The following RBMS1 variants were observed in gnomAD, a reference collection of about 807,000 sequenced individuals.
RBMS1 encodes the protein RNA-binding motif, single-stranded-interacting protein 1.
Under a neutral mutation model 62.3 loss-of-function variants are expected in RBMS1, and 17 were observed. That is an observed-to-expected ratio of 0.27 (90% CI 0.19 to 0.41). RBMS1 has a LOEUF of 0.41. Ranked by LOEUF, RBMS1 falls within the 10% of genes least tolerant of loss-of-function variation. The pLI is 1.00. For missense variants in RBMS1, 334 were observed against 504.5 expected, an observed-to-expected ratio of 0.66 and a Z score of 3.24; for synonymous variants, 172 against 170.0, an observed-to-expected ratio of 1.01 and a Z score of -0.09.
Position 160,300,655 on chromosome 2 carries a change from A to T in RBMS1, c.636T>A (p.Val212=), listed in dbSNP as rs1689160643. ...NGKFIKTPPG[V]SAPTEPLLCK... ...AGTTTCAGACAAACAACATACCAGA[A>T]ACTCCTGGTGGTGTCTTAATAAATT... The change falls in exon 6 of 14, where the codon GTT becomes GTA. Residue 212 remains valine, a synonymous_variant. Transcript: ENST00000348849. 6.3e-7 allele frequency: 1 copy of T among 1,594,436 alleles called. No individual in the cohort carries two copies. The highest frequency in any genetic ancestry group is 1.3e-5 in the African/African-American group (1 of 74,130).
chr2:160,319,093 T>G lies in RBMS1; in HGVS notation c.252-866A>C, dbSNP rs182458831. Among the ~76,000 whole-genome samples, 626 of 152,320 alleles carry G rather than the reference T, an allele frequency of 4.1e-3. 5 individuals are homozygous for G. The highest frequency in any genetic ancestry group is 3.3e-3 in the Non-Finnish European group (222 of 68,026). ...ACGAAGCGACAGTATAATGTAAATA[T>G]GAACCGAACCCCACACTCTCTCCAT... On this transcript the variant is annotated intron_variant, in intron 2 of 13. Coordinates refer to ENST00000348849, the MANE Select transcript of RBMS1 (RefSeq NM_016836.4).
intron 1 of RBMS1, among the ~76,000 whole-genome samples, chr2:160,476,676 T>G (rs1479901841): frequency 6.8e-6 from 1 of 146,460 alleles, no homozygotes; most frequent in Non-Finnish European, 1.5e-5. Flanking sequence ...TGCCTCAGCC[T>G]CCCAAGTAGC....
intron 2 of RBMS1, among the ~76,000 whole-genome samples, chr2:160,318,900 C>T (rs1038074759): frequency 6.6e-6 from 1 of 151,992 alleles, no homozygotes; most frequent in Non-Finnish European, 1.5e-5. Flanking sequence ...GTCTAAGAAA[C>T]GGACAATCAA....
intron 1 of RBMS1, among the ~76,000 whole-genome samples, chr2:160,435,829 T>C (rs1413521975): frequency 2.0e-5 from 3 of 152,246 alleles, no homozygotes; most frequent in Admixed American, 6.5e-5. Context: ...AATGCATTCA[T>C]TATAGTATCC....
intron 1 of RBMS1, among the ~76,000 whole-genome samples, chr2:160,451,162 A>T (rs931743989): frequency 2.7e-5 from 4 of 150,410 alleles, no homozygotes; most frequent in Non-Finnish European, 3.0e-5. Context: ...GCTTCAGAAA[A>T]AAAAAAATAA....
At chr2:160,367,195 A>G in intron 2 of RBMS1, 21 bp downstream of exon 2, 1 of 1,603,766 alleles carries the variant, frequency 6.2e-7, no homozygotes, top group Non-Finnish European at 8.5e-7. Flanking sequence ...AGCTAAAATA[A>G]TAGGAACAAC....
At chr2:160,281,472 G>T in intron 9 of RBMS1, 108 bp from the exon 10 acceptor site, 1 of 874,898 alleles carries the variant, frequency 1.1e-6, no homozygotes, top group Non-Finnish European at 1.8e-6. Flanking sequence ...AGAAAACAAG[G>T]AAACAATACT....
At chr2:160,415,816 C>A (rs1016663086) in intron 1 of RBMS1, among the ~76,000 whole-genome samples, 22 of 151,970 alleles carry the variant, frequency 1.4e-4, no homozygotes, top group African/African-American at 4.4e-4. Context: ...CTAAAATTAC[C>A]ATTAAATTAG....
intron 10 of RBMS1, among the ~76,000 whole-genome samples, chr2:160,281,079 T>A (rs578234019): frequency 6.6e-6 from 1 of 152,140 alleles, no homozygotes; most frequent in South Asian, 2.1e-4. Context: ...AAGAAAATGG[T>A]GCCCTGCCTC....
intron 4 of RBMS1, 80 bp downstream of exon 4, chr2:160,313,076 T>C: frequency 7.4e-7 from 1 of 1,351,376 alleles, no homozygotes; most frequent in Non-Finnish European, 1.0e-6. Flanking sequence ...AGATTACAGA[T>C]GCAGATAGAA....
chr2:160,347,405 A>C (rs1476416159), intron 2 of RBMS1, among the ~76,000 whole-genome samples: 1 of 152,188 alleles, frequency 6.6e-6, no homozygotes, highest in Non-Finnish European at 1.5e-5. Context: ...TGTTTATTTA[A>C]ACACCATCTT....
In RBMS1 at chr2:160,405,721, T is replaced by G. The variant is rs543862910; in HGVS notation, c.76-38330A>C. Among the ~76,000 whole-genome samples, 5 of 152,302 alleles carry G rather than the reference T, an allele frequency of 3.3e-5. No homozygotes were observed. In the East Asian group the frequency reaches 9.7e-4, roughly 29 times the overall value. ...GCCCTGTGAAAAGAAGAGCATCTTA[T>G]CAGCGTGCTCCAGACCAGCAGGCTA... On this transcript the variant is annotated intron_variant, in intron 1 of 13. Coordinates refer to ENST00000348849, the MANE Select transcript of RBMS1 (RefSeq NM_016836.4).
chr2:160,309,403 G>A (rs752009202), intron 4 of RBMS1, among the ~76,000 whole-genome samples: 3 of 152,172 alleles, frequency 2.0e-5, no homozygotes, highest in Non-Finnish European at 4.4e-5. Flanking sequence ...GACAAGTATG[G>A]CTGGGAAGTA....
chr2:160,316,730 A>T (rs1320206041), intron 3 of RBMS1, among the ~76,000 whole-genome samples: 1 of 152,142 alleles, frequency 6.6e-6, no homozygotes, highest in Non-Finnish European at 1.5e-5. Context: ...CTGCTTTTTA[A>T]CACACTGAGC....
rs953194732 is a variant in RBMS1 at position 160,313,091 on chromosome 2, C to T, written c.402+65G>A. On this transcript the variant is annotated intron_variant, in intron 4 of 13. Coordinates refer to ENST00000348849, the MANE Select transcript of RBMS1 (RefSeq NM_016836.4). ...AGATTACAGATGCAGATAGAAAAAG[C>T]AGACCTGTCGGGCTTCACAACCAAA... The T allele has an allele frequency of 2.7e-6, 4 of 1,484,144 alleles. No individual in the cohort carries two copies. The African/African-American group carries it at 4.2e-5, about 16-fold the overall frequency. 91.9% of individuals were successfully genotyped at this position (1,484,144 alleles called of 1,614,324 possible). A position where few individuals can be genotyped will look rare whatever the true frequency, so the allele number is the denominator to read the frequency against.
intron 1 of RBMS1, among the ~76,000 whole-genome samples, chr2:160,442,723 T>C (rs1683459007): frequency 6.6e-6 from 1 of 152,206 alleles, no homozygotes; most frequent in Admixed American, 6.5e-5. Context: ...GAAATGTTTC[T>C]AAGTGTAAAA....
chr2:160,373,878 G>GCC (rs1212457486), intron 1 of RBMS1, among the ~76,000 whole-genome samples: 1 of 152,130 alleles, frequency 6.6e-6, no homozygotes, highest in Non-Finnish European at 1.5e-5. Context: ...TCAACCAAGG[G>GCC]AAGATCAGGG....
At chr2:160,493,262 C>T (rs775569713) in intron 1 of RBMS1, 27 bp downstream of exon 1, 1 of 1,607,734 alleles carries the variant, frequency 6.2e-7, no homozygotes, top group Non-Finnish European at 8.5e-7. Context: ...CTCCTCCGGC[C>T]GTCACCTCTC....
intron 1 of RBMS1, among the ~76,000 whole-genome samples, chr2:160,423,166 C>A (rs1453894950): frequency 2.0e-5 from 3 of 152,156 alleles, no homozygotes; most frequent in Non-Finnish European, 2.9e-5. Context: ...CTTTCCCCAG[C>A]CCAACTTCTA....
Sources: gnomAD v4.1 joint callset for allele counts (sites outside exome capture counted in the v4.1 genomes callset) on GRCh38, gnomAD v4.1.1 for gene constraint, MANE v1.5 for transcripts, NCBI Gene and HGNC (gene_info 2026-07-23, HGNC 2026-07-21) for gene names.